Variants in GALNT17 observed in about 807,000 individuals in gnomAD.
GALNT17 encodes polypeptide N-acetylgalactosaminyltransferase 17.
GALNT17 carries 29 observed loss-of-function variants against 63.7 expected under a neutral mutation model. The ratio of observed to expected loss-of-function variants is 0.46; its 90% CI spans 0.34 to 0.62. The LOEUF is 0.62. GALNT17 is among the 20% of genes least tolerant of loss of function. The pLI is 0.01. For synonymous variants in GALNT17, 305 were observed against 318.3 expected (o/e 0.96, Z 0.45); for missense variants, 603 against 799.6 (o/e 0.75, Z 2.97).
At chr7:71,642,638 C>A (rs1246622762) in intron 6 of GALNT17, among the ~76,000 whole-genome samples, 2 of 152,058 alleles carry the variant, frequency 1.3e-5, no homozygotes, top group Non-Finnish European at 2.9e-5. Flanking sequence ...GAATTCAGGA[C>A]CAACCTGACC....
intron 5 of GALNT17, among the ~76,000 whole-genome samples, chr7:71,538,425 C>T (rs4719140): frequency 0.29 from 44,403 of 152,042 alleles, 6,825 homozygotes; most frequent in Admixed American, 0.33. Context: ...AATGAGGGCA[C>T]GGAGAACTCC....
At chr7:71,612,767 T>C (rs1179141529) in intron 6 of GALNT17, among the ~76,000 whole-genome samples, 1 of 152,228 alleles carries the variant, frequency 6.6e-6, no homozygotes, top group Non-Finnish European at 1.5e-5. Context: ...TTTGTGATTA[T>C]TTTGTTCCCT....
At chr7:71,188,887 A>G (rs942146809) in intron 1 of GALNT17, among the ~76,000 whole-genome samples, 3 of 152,322 alleles carry the variant, frequency 2.0e-5, no homozygotes, top group Admixed American at 1.3e-4. Context: ...GAGTGAGAGA[A>G]TAGGAGAGAG....
At chr7:71,133,324 T>G (rs1452306989) in intron 1 of GALNT17, among the ~76,000 whole-genome samples, 1 of 152,064 alleles carries the variant, frequency 6.6e-6, no homozygotes, top group African/African-American at 2.4e-5. Flanking sequence ...TGGAAATCAT[T>G]CCCTGGCGAC....
chr7:71,299,822 C>G (rs1791160551), intron 1 of GALNT17, among the ~76,000 whole-genome samples: 1 of 151,770 alleles, frequency 6.6e-6, no homozygotes, highest in Non-Finnish European at 1.5e-5. Context: ...CTGGTGTGCA[C>G]TGGTGTGATC....
chr7:71,445,088 G>T (rs150276087), intron 5 of GALNT17, among the ~76,000 whole-genome samples: 262 of 152,160 alleles, frequency 1.7e-3, no homozygotes, highest in African/African-American at 6.0e-3. Context: ...GTGCAGATGC[G>T]GAGAGCCATC....
At chr7:71,301,813 A>C (rs916910304) in intron 1 of GALNT17, among the ~76,000 whole-genome samples, 7 of 152,238 alleles carry the variant, frequency 4.6e-5, no homozygotes, top group Non-Finnish European at 1.0e-4. Context: ...TACAAAGTAC[A>C]CAAAGGCAAA....
intron 1 of GALNT17, among the ~76,000 whole-genome samples, chr7:71,238,305 G>C (rs570445098): frequency 3.3e-5 from 5 of 152,276 alleles, no homozygotes; most frequent in Non-Finnish European, 7.4e-5. Context: ...GTGAGGGGTT[G>C]GGAAAGAGGT....
chr7:71,192,112 G>C (rs543648505), intron 1 of GALNT17, among the ~76,000 whole-genome samples: 3 of 152,266 alleles, frequency 2.0e-5, no homozygotes, highest in African/African-American at 4.8e-5. Flanking sequence ...TCTGATGTTC[G>C]AGGTCAGGAA....
At chr7:71,611,055 C>G (rs899350237) in intron 6 of GALNT17, among the ~76,000 whole-genome samples, 1 of 151,902 alleles carries the variant, frequency 6.6e-6, no homozygotes, top group Non-Finnish European at 1.5e-5. Flanking sequence ...TTTGTCTCCA[C>G]TGTCTTCTTT....
chr7:71,346,787 C>T (rs1792104406), intron 2 of GALNT17, among the ~76,000 whole-genome samples: 1 of 151,918 alleles, frequency 6.6e-6, no homozygotes, highest in Non-Finnish European at 1.5e-5. Context: ...GGAGTTACTT[C>T]TTTAGTTTTC....
chr7:71,460,014 A>G (rs1787424855), intron 5 of GALNT17, among the ~76,000 whole-genome samples: 1 of 152,176 alleles, frequency 6.6e-6, no homozygotes, highest in Non-Finnish European at 1.5e-5. Context: ...TCCTGCCTTT[A>G]TGGACCAAAC....
intron 1 of GALNT17, among the ~76,000 whole-genome samples, chr7:71,162,123 C>CCCTCCCTT (rs1554334487): frequency 2.0e-3 from 109 of 53,792 alleles, no homozygotes; most frequent in East Asian, 5.8e-3. Flanking sequence ...CTCCCTCCCT[C>CCCTCCCTT]CCTTCCTTCC....
At chr7:71,553,885 C>T (rs1210785707) in intron 5 of GALNT17, among the ~76,000 whole-genome samples, 2 of 152,186 alleles carry the variant, frequency 1.3e-5, no homozygotes, top group Non-Finnish European at 2.9e-5. Context: ...TCTCCCTCTC[C>T]CAGCTTTCCT....
At chr7:71,546,125 C>T (rs1021522188) in intron 5 of GALNT17, among the ~76,000 whole-genome samples, 2 of 151,760 alleles carry the variant, frequency 1.3e-5, no homozygotes, top group African/African-American at 2.4e-5. Flanking sequence ...AATCTCAAAC[C>T]CTCAGGGACA....
At chr7:71,345,422 G>C (rs1792073941) in intron 2 of GALNT17, among the ~76,000 whole-genome samples, 1 of 152,014 alleles carries the variant, frequency 6.6e-6, no homozygotes, top group African/African-American at 2.4e-5. Flanking sequence ...AGGTTTCTTT[G>C]GAATTCATTT....
intron 6 of GALNT17, among the ~76,000 whole-genome samples, chr7:71,629,024 G>A (rs1226920173): frequency 6.6e-6 from 1 of 152,188 alleles, no homozygotes; most frequent in Non-Finnish European, 1.5e-5. Flanking sequence ...CATGGGCCAC[G>A]CCCCTATCTG....
At chr7:71,256,774 G>A (rs1006301012) in intron 1 of GALNT17, among the ~76,000 whole-genome samples, 18 of 152,196 alleles carry the variant, frequency 1.2e-4, no homozygotes, top group Non-Finnish European at 2.4e-4. Flanking sequence ...ATATGGGGCC[G>A]CTCTTTTTGC....
rs1790090247 is a variant in GALNT17, at chr7:71,609,231, T to C, written c.1080+37829T>C. On this transcript the variant is annotated intron_variant, in intron 6 of 10. Transcript: ENST00000333538. The stretch of plus-strand genomic sequence containing the variant: ...CATTGGTTCGTTTATTCTGAATCTT[T>C]TGTCTGGACTTGTCTGTGTGGATTA... 2.0e-5 allele frequency among the ~76,000 whole-genome samples: 3 copies of C among 152,358 alleles called. No individual in the cohort carries two copies. In the South Asian group the frequency reaches 6.2e-4, roughly 32 times the overall value.
Sources: gnomAD v4.1 joint callset for allele counts (sites outside exome capture counted in the v4.1 genomes callset) on GRCh38, gnomAD v4.1.1 for gene constraint, MANE v1.5 for transcripts, NCBI Gene and HGNC (gene_info 2026-07-23, HGNC 2026-07-21) for gene names.